Variants in YARS1 observed in about 807,000 individuals in gnomAD.
YARS1 encodes tyrosine--tRNA ligase, cytoplasmic.
YARS1 carries 36 observed loss-of-function variants against 62.2 expected under a neutral mutation model. The observed-to-expected ratio is 0.58, with a 90% CI of 0.44 to 0.76. The LOEUF is 0.76. Ranked by LOEUF, YARS1 falls within the 30% of genes least tolerant of loss-of-function variation. The pLI is 0.00. For synonymous variants in YARS1, 234 were observed against 244.9 expected, an observed-to-expected ratio of 0.96 and a Z score of 0.42; for missense variants, 524 against 639.8, an observed-to-expected ratio of 0.82 and a Z score of 1.95.
chr1:32,800,776 T>C (rs1157801680), intron 4 of YARS1, among the ~76,000 whole-genome samples: 1 of 152,144 alleles, frequency 6.6e-6, no homozygotes, highest in African/African-American at 2.4e-5. Flanking sequence ...GGTTTCACCA[T>C]GTTAGCCAGG....
Position 32,776,034 on chromosome 1 carries a change from T to A in YARS1, c.1534A>T (p.Thr512Ser). 2 of 1,614,148 alleles carry A rather than the reference T, an allele frequency of 1.2e-6. No individual in the cohort carries two copies. The highest frequency in any genetic ancestry group is 2.2e-5 in the South Asian group (2 of 91,082). ...IAQWKQTNFM[T>S]KLGSISCKSL... ...TTACAGGAAATGGAGCCCAGCTTGG[T>A]CATGAAGTTGGTTTGCTTCCACTGT... Residue 512 changes from threonine (T) to serine (S), a missense_variant, in exon 13 of 13, where the codon ACC (threonine) becomes TCC (serine). Coordinates refer to ENST00000373477, the MANE Select transcript of YARS1 (RefSeq NM_003680.4). The surrounding 1 kb of genome is among the most constrained non-coding windows in gnomAD (Gnocchi z 4.0).
intron 8 of YARS1, 26 bp downstream of exon 8, chr1:32,786,336 A>G (rs1001982457): frequency 6.2e-7 from 1 of 1,608,508 alleles, no homozygotes; most frequent in Non-Finnish European, 8.5e-7. Context: ...ATCTTCATGA[A>G]AGGATTCCTT....
chr1:32,794,525 G>C (rs1653511737), intron 5 of YARS1, among the ~76,000 whole-genome samples: 1 of 151,992 alleles, frequency 6.6e-6, no homozygotes, highest in Non-Finnish European at 1.5e-5. Context: ...GAATAGCTGG[G>C]ATTATAGGTG....
intron 4 of YARS1, among the ~76,000 whole-genome samples, chr1:32,804,602 G>A (rs376168094): frequency 0.012 from 1,780 of 150,578 alleles, 20 homozygotes; most frequent in Non-Finnish European, 0.02. Flanking sequence ...ACCGGGTCGC[G>A]GCCGGACAGA....
chr1:32,801,472 G>C (rs1315530969), intron 4 of YARS1, among the ~76,000 whole-genome samples: 1 of 152,210 alleles, frequency 6.6e-6, no homozygotes, highest in South Asian at 2.1e-4. Context: ...TGAGCCTTCA[G>C]CAAGTCATAA....
At chr1:32,812,642 G>C (rs1638610719) in intron 1 of YARS1, among the ~76,000 whole-genome samples, 1 of 152,124 alleles carries the variant, frequency 6.6e-6, no homozygotes, top group Admixed American at 6.5e-5. Context: ...AATTCTCTCT[G>C]AAGCCAGCTA....
intron 8 of YARS1, among the ~76,000 whole-genome samples, chr1:32,784,261 T>G (rs1032272500): frequency 6.6e-5 from 10 of 151,882 alleles, no homozygotes; most frequent in South Asian, 2.1e-4. Context: ...GCAATTCTCC[T>G]GCCTTGGCCT....
At chr1:32,778,702 C>A (rs892262131) in intron 12 of YARS1, among the ~76,000 whole-genome samples, 1 of 147,010 alleles carries the variant, frequency 6.8e-6, no homozygotes, top group South Asian at 2.2e-4. Flanking sequence ...CCACCACGCC[C>A]GGCCAATCCT....
chr1:32,795,577 C>T lies in YARS1; in HGVS notation c.591+2186G>A, dbSNP rs184675779. ...ATCCTAGCACTATGGGAGGCCAAGG[C>T]GGGCAGATCATGAGGTCAAGAGATC... On this transcript the variant is annotated intron_variant, in intron 5 of 12. Coordinates refer to ENST00000373477, the MANE Select transcript of YARS1 (RefSeq NM_003680.4). Among the ~76,000 whole-genome samples, 266 of 151,688 alleles carry T rather than the reference C, an allele frequency of 1.8e-3. 2 individuals carry two copies. Among genetic ancestry groups the T allele is most frequent in the African/African-American group, 6.0e-3 (249 of 41,356 alleles).
At chr1:32,792,097 T>C (rs1428992627) in intron 5 of YARS1, among the ~76,000 whole-genome samples, 14 of 152,060 alleles carry the variant, frequency 9.2e-5, no homozygotes, top group Admixed American at 7.9e-4. Context: ...TGTATGCACA[T>C]AGTGAGATAC....
chr1:32,801,941 TC>T (rs1638304929), intron 4 of YARS1, among the ~76,000 whole-genome samples: 6 of 142,884 alleles, frequency 4.2e-5, no homozygotes, highest in Non-Finnish European at 6.2e-5. Flanking sequence ...TCTTGTTATT[TC>T]TTTTTTTTTT....
At chr1:32,778,829 C>G (rs1455399707) in intron 12 of YARS1, among the ~76,000 whole-genome samples, 1 of 150,778 alleles carries the variant, frequency 6.6e-6, no homozygotes, top group Non-Finnish European at 1.5e-5. Context: ...ACCTCTGCCT[C>G]CCGGGTTCAA....
At chr1:32,781,611 G>T (rs1431694405) in intron 9 of YARS1, 5 of 178,520 alleles carry the variant, frequency 2.8e-5, no homozygotes, top group Non-Finnish European at 6.0e-5. Flanking sequence ...TGGAAGGGTC[G>T]CACAAAGCTA....
chr1:32,786,773 T>C, intron 7 of YARS1, 167 bp downstream of exon 7: 3 of 1,015,770 alleles, frequency 3.0e-6, no homozygotes, highest in Non-Finnish European at 4.2e-6. Context: ...ATATGGACAA[T>C]TAAATTACAT....
chr1:32,814,132 G>A (rs756102391), intron 1 of YARS1, among the ~76,000 whole-genome samples: 2 of 152,046 alleles, frequency 1.3e-5, no homozygotes, highest in African/African-American at 4.8e-5. Context: ...CAAACTCAAC[G>A]TGTTCAAAAT....
intron 7 of YARS1, 48 bp from the exon 8 acceptor site, chr1:32,786,495 AGCTCACATGCATGACTATT>A (rs1557450002): frequency 6.6e-7 from 1 of 1,519,528 alleles, no homozygotes. Flanking sequence ...CAGCATTCCT[AGCTCACATGCATGACTATT>A]CCTAGCCCAC....
intron 7 of YARS1, 91 bp from the exon 8 acceptor site, chr1:32,786,538 T>C: frequency 8.6e-7 from 1 of 1,157,854 alleles, no homozygotes; most frequent in Non-Finnish European, 1.3e-6. Context: ...CATGACTATT[T>C]GTAGTTTTTG....
chr1:32,788,741 A>G (rs1365431117), intron 6 of YARS1, among the ~76,000 whole-genome samples: 1 of 151,876 alleles, frequency 6.6e-6, no homozygotes, highest in Non-Finnish European at 1.5e-5. Context: ...TGCCTGGCTA[A>G]TTATTTGTTA....
chr1:32,780,364 T>G, intron 10 of YARS1, 86 bp from the exon 11 acceptor site: 1 of 1,513,332 alleles, frequency 6.6e-7, no homozygotes, highest in Non-Finnish European at 9.1e-7. Flanking sequence ...GAAAGGAGCA[T>G]CCACTCCTTA....
Sources: gnomAD v4.1 joint callset for allele counts (sites outside exome capture counted in the v4.1 genomes callset) on GRCh38, gnomAD v4.1.1 for gene constraint, Gnocchi (gnomAD v3.1) non-coding constraint, MANE v1.5 for transcripts, NCBI Gene and HGNC (gene_info 2026-07-23, HGNC 2026-07-21) for gene names.